ST6GALNAC5: variants seen among roughly 807,000 people sequenced by gnomAD.
ST6GALNAC5 encodes ST6 N-acetylgalactosaminide alpha-2,6-sialyltransferase 5, also known as alpha-N-acetylgalactosaminide alpha-2,6-sialyltransferase 5.
In ST6GALNAC5, 27 loss-of-function variants were observed where a neutral mutation model predicts 33.6. That is an observed-to-expected ratio of 0.80 (90% CI 0.59 to 1.11). The LOEUF (loss-of-function observed/expected upper bound fraction) is 1.11, where lower values mean the gene tolerates loss of function less well. Ranked by LOEUF, ST6GALNAC5 falls within the 50% of genes least tolerant of loss-of-function variation. The pLI, the probability that ST6GALNAC5 is intolerant of heterozygous loss-of-function variation, is 0.00. For synonymous variants in ST6GALNAC5, 194 were observed against 171.2 expected (o/e 1.13, Z -1.04); for missense variants, 428 against 454.0 (o/e 0.94, Z 0.52).
chr1:76,910,161 T>C (rs1409567820), intron 2 of ST6GALNAC5, among the ~76,000 whole-genome samples: 1 of 152,082 alleles, frequency 6.6e-6, no homozygotes, highest in African/African-American at 2.4e-5. Context: ...ATAGAGTTCA[T>C]CTTAAAGTAG....
intron 2 of ST6GALNAC5, among the ~76,000 whole-genome samples, chr1:76,981,730 C>T (rs1320979577): frequency 1.3e-5 from 2 of 152,310 alleles, no homozygotes; most frequent in South Asian, 4.1e-4. Context: ...AGACACCTCC[C>T]AGTAGGGGCC....
intron 2 of ST6GALNAC5, among the ~76,000 whole-genome samples, chr1:76,915,194 C>T (rs1646957693): frequency 6.6e-6 from 1 of 151,312 alleles, no homozygotes; most frequent in African/African-American, 2.4e-5. Context: ...CAGGAAACAA[C>T]AGGTGCTGGA....
At chr1:76,945,804 G>A (rs1424835891) in intron 2 of ST6GALNAC5, among the ~76,000 whole-genome samples, 1 of 152,084 alleles carries the variant, frequency 6.6e-6, no homozygotes, top group Non-Finnish European at 1.5e-5. Flanking sequence ...CTTAATAGAA[G>A]TCATGCATTC....
At chr1:76,976,948 G>A (rs12726495) in intron 2 of ST6GALNAC5, among the ~76,000 whole-genome samples, 11,458 of 152,066 alleles carry the variant, frequency 0.075, 666 homozygotes, top group Admixed American at 0.2. Context: ...TTAAAATACT[G>A]ATTCTGATTT....
intron 2 of ST6GALNAC5, among the ~76,000 whole-genome samples, chr1:77,023,073 A>C (rs916281783): frequency 6.6e-6 from 1 of 152,198 alleles, no homozygotes; most frequent in Admixed American, 6.5e-5. Context: ...TGGGACACTG[A>C]AAACACAGGC....
intron 2 of ST6GALNAC5, among the ~76,000 whole-genome samples, chr1:77,023,410 C>T (rs1239870296): frequency 1.3e-5 from 2 of 152,330 alleles, no homozygotes; most frequent in Non-Finnish European, 2.9e-5. Context: ...GACTTAGTTT[C>T]AGGGCCACCG....
At chr1:77,058,409 C>T (rs1259415786) in intron 4 of ST6GALNAC5, among the ~76,000 whole-genome samples, 8 of 152,172 alleles carry the variant, frequency 5.3e-5, no homozygotes, top group Admixed American at 4.6e-4. Context: ...TAGTGCCCTC[C>T]CTGGGGCGGG....
chr1:76,885,314 C>T (rs1385249991), intron 2 of ST6GALNAC5, among the ~76,000 whole-genome samples: 1 of 151,642 alleles, frequency 6.6e-6, no homozygotes, highest in African/African-American at 2.4e-5. Context: ...ATTTTAAATG[C>T]AGGTATACTC....
intron 2 of ST6GALNAC5, among the ~76,000 whole-genome samples, chr1:76,973,847 C>A (rs1183158384): frequency 6.6e-6 from 1 of 152,114 alleles, no homozygotes; most frequent in Non-Finnish European, 1.5e-5. Flanking sequence ...ATTTAAGATG[C>A]CAACCTTTTC....
chr1:77,041,249 T>C (rs1331720052), intron 2 of ST6GALNAC5, among the ~76,000 whole-genome samples: 3 of 152,264 alleles, frequency 2.0e-5, no homozygotes, highest in African/African-American at 7.2e-5. Flanking sequence ...TAGGCTTAAA[T>C]GTTCCCTCAT....
chr1:76,873,771 A>G (rs979997827), intron 2 of ST6GALNAC5, among the ~76,000 whole-genome samples: 2 of 152,346 alleles, frequency 1.3e-5, no homozygotes, highest in Non-Finnish European at 2.9e-5. Flanking sequence ...TTAAACTTTG[A>G]GAAACACTGT....
chr1:77,035,394 G>A (rs1451214664), intron 2 of ST6GALNAC5, among the ~76,000 whole-genome samples: 1 of 151,964 alleles, frequency 6.6e-6, no homozygotes, highest in Non-Finnish European at 1.5e-5. Flanking sequence ...TAGACTTAAG[G>A]GTGTTGTACA....
At chr1:76,920,783 A>G (rs556341330) in intron 2 of ST6GALNAC5, among the ~76,000 whole-genome samples, 183 of 152,310 alleles carry the variant, frequency 1.2e-3, no homozygotes, top group African/African-American at 4.1e-3. Context: ...AGAGTAACTG[A>G]CAAGCCAATC....
chr1:76,874,883 C>T (rs1284811654), intron 2 of ST6GALNAC5, among the ~76,000 whole-genome samples: 2 of 152,066 alleles, frequency 1.3e-5, no homozygotes, highest in Non-Finnish European at 2.9e-5. Flanking sequence ...ACATAATCTT[C>T]AAATAAAGAC....
rs1018099858 is a variant in ST6GALNAC5, at chr1:77,003,620, C to T, written c.262-40584C>T. On this transcript the variant is annotated intron_variant, in intron 2 of 4. Transcript: ENST00000477717. ...TTTACATTTTGGCATGATTTTGCAG[C>T]GGCTGGTACTGGTTGTTCCTTTCCA... Among the ~76,000 whole-genome samples the T allele has an allele frequency of 2.0e-3, 275 of 140,188 alleles. 1 individual carries two copies. Among genetic ancestry groups the T allele is most frequent in the South Asian group, 3.8e-3 (16 of 4,200 alleles). 92.0% of individuals were successfully genotyped at this position (140,188 alleles called of 152,430 possible).
chr1:77,031,082 C>T (rs889370862), intron 2 of ST6GALNAC5, among the ~76,000 whole-genome samples: 3 of 152,172 alleles, frequency 2.0e-5, no homozygotes, highest in African/African-American at 7.2e-5. Flanking sequence ...CATTCTGTGG[C>T]CCCAGAGGAT....
chr1:76,911,384 G>A (rs1231083629), intron 2 of ST6GALNAC5, among the ~76,000 whole-genome samples: 5 of 152,104 alleles, frequency 3.3e-5, no homozygotes, highest in African/African-American at 9.7e-5. Context: ...TGTTCATCAA[G>A]GATATTGGTC....
chr1:77,054,377 C>T lies in ST6GALNAC5; in HGVS notation c.779+4012C>T, dbSNP rs544651639. 1.4e-4 allele frequency among the ~76,000 whole-genome samples: 22 copies of T among 152,314 alleles called. No homozygotes were observed. In the South Asian group the frequency reaches 4.4e-3, roughly 30 times the overall value. ...GGACAACAGGAATATTGGACCCTTCCACCCGACTTGGTCAGGGGCAGACCC... is the reference window on the plus strand; with the variant it reads ...GGACAACAGGAATATTGGACCCTTCTACCCGACTTGGTCAGGGGCAGACCC... On this transcript the variant is annotated intron_variant, in intron 4 of 4. Transcript: ENST00000477717.
At chr1:76,897,700 G>A (rs998093871) in intron 2 of ST6GALNAC5, among the ~76,000 whole-genome samples, 4 of 152,158 alleles carry the variant, frequency 2.6e-5, no homozygotes, top group African/African-American at 9.7e-5. Context: ...TGTAATCCAG[G>A]AATAGTCAGG....
Sources: allele counts gnomAD v4.1 joint callset (sites outside exome capture counted in the v4.1 genomes callset), GRCh38; gene constraint gnomAD v4.1.1; transcripts MANE v1.5; gene names NCBI Gene and HGNC (gene_info 2026-07-23, HGNC 2026-07-21).